Variants in CFTR observed in about 807,000 individuals in gnomAD.
CFTR encodes the protein cystic fibrosis transmembrane conductance regulator.
A neutral mutation model predicts 171.6 loss-of-function variants in CFTR; 181 were observed. That is an observed-to-expected ratio of 1.05 (90% CI 0.93 to 1.19). The LOEUF (loss-of-function observed/expected upper bound fraction) is 1.19. CFTR is among the 50% of genes most tolerant of loss of function. The probability of loss-of-function intolerance (pLI) is 0.00; values close to 1 mark genes in which losing one functional copy is unlikely to be tolerated. For missense variants in CFTR, 1,968 were observed against 1,734.7 expected, an observed-to-expected ratio of 1.13 and a Z score of -2.39; for synonymous variants, 583 against 608.0, an observed-to-expected ratio of 0.96 and a Z score of 0.60.
chr7:117,647,898 G>A (rs959498378), intron 23 of CFTR, among the ~76,000 whole-genome samples: 5 of 151,268 alleles, frequency 3.3e-5, no homozygotes, highest in Admixed American at 2.0e-4. Context: ...TTATTATACA[G>A]ATTGAATTTA....
chr7:117,571,451 G>C (rs1311598526), intron 11 of CFTR, among the ~76,000 whole-genome samples: 3 of 152,142 alleles, frequency 2.0e-5, no homozygotes, highest in Admixed American at 6.5e-5. Flanking sequence ...GGAATTAGCA[G>C]CTGCTAAATG....
intron 23 of CFTR, among the ~76,000 whole-genome samples, chr7:117,643,334 T>C (rs34004297): frequency 1.5e-3 from 221 of 152,272 alleles, no homozygotes; most frequent in African/African-American, 4.9e-3. Context: ...TTTCTCCCTT[T>C]GTGCTAATGG....
chr7:117,499,224 C>G (rs545549196), intron 1 of CFTR, among the ~76,000 whole-genome samples: 1 of 151,906 alleles, frequency 6.6e-6, no homozygotes, highest in Non-Finnish European at 1.5e-5. Flanking sequence ...ATGTCAGATG[C>G]GTCTTTTGGA....
At chr7:117,490,380 A>C (rs1424137029) in intron 1 of CFTR, among the ~76,000 whole-genome samples, 2 of 151,468 alleles carry the variant, frequency 1.3e-5, no homozygotes, top group Non-Finnish European at 2.9e-5. Flanking sequence ...ATTGACTTAC[A>C]TGATTATGAT....
At chr7:117,632,109 A>G (rs1792756004) in intron 22 of CFTR, among the ~76,000 whole-genome samples, 1 of 152,174 alleles carries the variant, frequency 6.6e-6, no homozygotes, top group Admixed American at 6.5e-5. Context: ...TCCTTGAACC[A>G]GCATCACCTG....
intron 11 of CFTR, among the ~76,000 whole-genome samples, chr7:117,583,232 A>G (rs1218116341): frequency 6.6e-6 from 1 of 152,108 alleles, no homozygotes; most frequent in Non-Finnish European, 1.5e-5. Context: ...TTACATGGAT[A>G]AGTGCTTTAG....
chr7:117,535,425 T>A lies in CFTR; in HGVS notation c.743+14T>A. Reference sequence around the variant, plus strand: ...GATGAAGTACAGGTAGCAACCTATTTTCATAACTTGAAAGTTTTAAAAATT... The same window carrying A: ...GATGAAGTACAGGTAGCAACCTATTATCATAACTTGAAAGTTTTAAAAATT... On this transcript the variant is annotated intron_variant, in intron 6 of 26. Coordinates refer to ENST00000003084, the MANE Select transcript of CFTR (RefSeq NM_000492.4). 6.2e-7 allele frequency: 1 copy of A among 1,613,656 alleles called. No individual in the cohort carries two copies. Among genetic ancestry groups the A allele is most frequent in the Non-Finnish European group, 8.5e-7 (1 of 1,179,616 alleles).
At chr7:117,628,763 A>G (rs1389750871) in intron 22 of CFTR, among the ~76,000 whole-genome samples, 3 of 152,170 alleles carry the variant, frequency 2.0e-5, no homozygotes, top group Admixed American at 6.6e-5. Flanking sequence ...AAACATATAT[A>G]TAGGATGTGC....
intron 1 of CFTR, among the ~76,000 whole-genome samples, chr7:117,494,687 A>G (rs777471188): frequency 1.3e-5 from 2 of 152,152 alleles, no homozygotes; most frequent in Non-Finnish European, 2.9e-5. Context: ...AAGAGCCTCA[A>G]TAAGGGATTT....
In CFTR at chr7:117,602,729, C is replaced by T. The variant is rs146376436; in HGVS notation, c.2620-97C>T. 5.5e-5 allele frequency: 54 copies of T among 974,268 alleles called. No homozygotes were observed. The East Asian group carries it at 7.4e-4, about 13-fold the overall frequency. The allele number at this position is 974,268 out of a possible 1,614,324, so 60.4% of individuals were successfully genotyped here. A position where few individuals can be genotyped will look rare whatever the true frequency, so the allele number is the denominator to read the frequency against. On this transcript the variant is annotated intron_variant, in intron 15 of 26. Coordinates refer to ENST00000003084, the MANE Select transcript of CFTR (RefSeq NM_000492.4). ...AATTGTGTGTACCTTGATATTGGTA[C>T]ACACATCAAATGGTGTGATGTGAAT... is the stretch of plus-strand genomic sequence containing the variant.
chr7:117,590,726 T>C (rs3808183), intron 13 of CFTR, among the ~76,000 whole-genome samples: 15,873 of 152,160 alleles, frequency 0.1, 1,360 homozygotes, highest in East Asian at 0.42. Flanking sequence ...CATTGCCTTG[T>C]GATATATATT....
intron 10 of CFTR, among the ~76,000 whole-genome samples, chr7:117,556,762 G>A (rs544803393): frequency 1.2e-4 from 18 of 150,430 alleles, no homozygotes; most frequent in East Asian, 3.9e-4. Context: ...CTCGTGATCC[G>A]CCCGCCTCGG....
At chr7:117,531,688 CAA>C (rs1018356437) in intron 4 of CFTR, among the ~76,000 whole-genome samples, 2 of 152,080 alleles carry the variant, frequency 1.3e-5, no homozygotes, top group African/African-American at 2.4e-5. Context: ...ATTGTCCAGA[CAA>C]GAGACCAAAT....
chr7:117,579,551 T>C (rs1791821172), intron 11 of CFTR, among the ~76,000 whole-genome samples: 1 of 151,712 alleles, frequency 6.6e-6, no homozygotes, highest in South Asian at 2.1e-4. Flanking sequence ...CATTAGCTAT[T>C]CTTCTTATTA....
chr7:117,562,704 G>C (rs1348898388), intron 11 of CFTR, among the ~76,000 whole-genome samples: 1 of 152,186 alleles, frequency 6.6e-6, no homozygotes, highest in African/African-American at 2.4e-5. Context: ...TTGGGGGAAA[G>C]AGACCATTTC....
At chr7:117,653,183 G>A (rs1196099556) in intron 24 of CFTR, among the ~76,000 whole-genome samples, 2 of 152,156 alleles carry the variant, frequency 1.3e-5, no homozygotes, top group Non-Finnish European at 2.9e-5. Context: ...CACACTTTGT[G>A]TGCATGTATT....
At chr7:117,571,597 A>T (rs1791688021) in intron 11 of CFTR, among the ~76,000 whole-genome samples, 1 of 152,180 alleles carries the variant, frequency 6.6e-6, no homozygotes, top group African/African-American at 2.4e-5. Flanking sequence ...GAGCCAGAAT[A>T]AGAAAAATAA....
intron 3 of CFTR, among the ~76,000 whole-genome samples, chr7:117,510,084 T>C (rs1798491810): frequency 1.3e-5 from 2 of 152,176 alleles, no homozygotes; most frequent in Non-Finnish European, 2.9e-5. Context: ...GCCCAGAATG[T>C]TCTCTAATGC....
At chr7:117,608,355 C>A (rs1313418233) in intron 18 of CFTR, among the ~76,000 whole-genome samples, 3 of 152,146 alleles carry the variant, frequency 2.0e-5, no homozygotes, top group Non-Finnish European at 4.4e-5. Context: ...CAGGCGCGCA[C>A]CACCATGCCT....
Sources: gnomAD v4.1 joint callset for allele counts (sites outside exome capture counted in the v4.1 genomes callset) on GRCh38, gnomAD v4.1.1 for gene constraint, MANE v1.5 for transcripts, NCBI Gene and HGNC (gene_info 2026-07-23, HGNC 2026-07-21) for gene names.